The following INPP4B variants were observed in gnomAD, a reference collection of about 807,000 sequenced individuals.
INPP4B encodes inositol polyphosphate-4-phosphatase type II B.
Under a neutral mutation model 122.5 loss-of-function variants are expected in INPP4B, and 55 were observed. That is an observed-to-expected ratio of 0.45 (90% CI 0.36 to 0.56). The LOEUF is 0.56. Among genes scored for constraint, INPP4B ranks in the 20% least tolerant of loss-of-function variants. INPP4B has a pLI of 0.00. For missense variants in INPP4B, 1,000 were observed against 1,097.7 expected (o/e 0.91, Z 1.26); for synonymous variants, 403 against 388.7 (o/e 1.04, Z -0.43).
At chr4:142,722,478 T>C (rs559021877) in intron 2 of INPP4B, among the ~76,000 whole-genome samples, 2 of 152,290 alleles carry the variant, frequency 1.3e-5, no homozygotes, top group African/African-American at 2.4e-5. Flanking sequence ...TGCTGTGGTT[T>C]ATAGTTCTGA....
intron 17 of INPP4B, among the ~76,000 whole-genome samples, chr4:142,158,881 A>G (rs1183564597): frequency 1.3e-5 from 2 of 152,002 alleles, no homozygotes; most frequent in Admixed American, 1.3e-4. Flanking sequence ...ATTTAATATA[A>G]AATGGTAATT....
At chr4:142,561,777 T>C (rs1730529416) in intron 2 of INPP4B, among the ~76,000 whole-genome samples, 1 of 152,226 alleles carries the variant, frequency 6.6e-6, no homozygotes. Flanking sequence ...AATGTCTTTC[T>C]TGCAATGTCA....
intron 25 of INPP4B, among the ~76,000 whole-genome samples, chr4:142,081,377 G>A (rs994835621): frequency 6.6e-6 from 1 of 152,024 alleles, no homozygotes; most frequent in Non-Finnish European, 1.5e-5. Flanking sequence ...TTCCCATTAC[G>A]GCTTACAGTT....
At position 142,781,962 on chromosome 4, in the gene INPP4B, T is replaced by A. The variant is rs142954610; in HGVS notation, c.-253-56061A>T. Among the ~76,000 whole-genome samples the A allele has an allele frequency of 2.9e-3, 442 of 149,966 alleles. 2 individuals carry two copies. Among genetic ancestry groups the A allele is most frequent in the African/African-American group, 0.011 (434 of 40,364 alleles). On this transcript the variant is annotated intron_variant, in intron 1 of 25. Coordinates refer to ENST00000262992, the MANE Select transcript of INPP4B (RefSeq NM_001101669.3). ...TCTAACTTTTGTCTTGCTAACCTTT[T>A]ATTTTTTTTATTTTTTAATTTATTT...
chr4:142,691,418 C>G (rs1046984526), intron 2 of INPP4B, among the ~76,000 whole-genome samples: 20 of 151,886 alleles, frequency 1.3e-4, no homozygotes, highest in African/African-American at 4.6e-4. Context: ...AAAATTTCCC[C>G]TGATGAATAA....
intron 25 of INPP4B, among the ~76,000 whole-genome samples, chr4:142,046,115 G>A (rs75936601): frequency 0.016 from 2,375 of 151,998 alleles, 80 homozygotes; most frequent in African/African-American, 0.055. Context: ...ACTTTGAGAA[G>A]GGCCAAACTA....
At chr4:142,762,590 GT>G (rs1445340226) in intron 1 of INPP4B, among the ~76,000 whole-genome samples, 5 of 152,134 alleles carry the variant, frequency 3.3e-5, no homozygotes, top group Admixed American at 6.5e-5. Context: ...GAATTTCCCT[GT>G]CTTGTTAGTT....
At chr4:142,681,104 T>C (rs958951805) in intron 2 of INPP4B, among the ~76,000 whole-genome samples, 8 of 151,902 alleles carry the variant, frequency 5.3e-5, no homozygotes, top group Non-Finnish European at 1.2e-4. Flanking sequence ...CTATATATAA[T>C]GCATGTAATT....
chr4:142,746,695 C>A (rs946263067), intron 1 of INPP4B, among the ~76,000 whole-genome samples: 1 of 152,044 alleles, frequency 6.6e-6, no homozygotes, highest in East Asian at 1.9e-4. Flanking sequence ...TGGAACAGAA[C>A]AGAGGCCTCA....
intron 2 of INPP4B, among the ~76,000 whole-genome samples, chr4:142,597,348 C>G (rs1289453269): frequency 6.6e-6 from 1 of 152,166 alleles, no homozygotes; most frequent in African/African-American, 2.4e-5. Context: ...AACGGTGACA[C>G]CAGTTACTGG....
Position 142,700,672 on chromosome 4 carries a change from A to AT in INPP4B, c.-191+25166dup, listed in dbSNP as rs555926708. On this transcript the variant is annotated intron_variant, in intron 2 of 25. Coordinates refer to ENST00000262992, the MANE Select transcript of INPP4B (RefSeq NM_001101669.3). The stretch of plus-strand genomic sequence containing the variant: ...TTTTGCCCTGTCTTATTTGCATGAA[A>AT]TTTTTTTTTTATTTTTTGCAGCAGG... Among the ~76,000 whole-genome samples the AT allele has an allele frequency of 2.5e-4, 17 of 68,142 alleles. No individual in the cohort carries two copies. In the East Asian group the frequency reaches 5.8e-3, roughly 23 times the overall value. The allele number at this position is 68,142 out of a possible 152,430, so 44.7% of individuals were successfully genotyped here.
chr4:142,228,090 G>A (rs1437811495), intron 12 of INPP4B, among the ~76,000 whole-genome samples: 1 of 151,828 alleles, frequency 6.6e-6, no homozygotes, highest in East Asian at 1.9e-4. Flanking sequence ...GTTTGTGTAT[G>A]TGATCTAAGA....
rs377226578 is a variant in INPP4B at position 142,425,899 on chromosome 4, C to T, written c.136+3274G>A. Among the ~76,000 whole-genome samples the T allele has an allele frequency of 4.6e-5, 7 of 152,116 alleles. No homozygotes were observed. The South Asian group carries it at 8.3e-4, about 18-fold the overall frequency. On this transcript the variant is annotated intron_variant, in intron 5 of 25. Coordinates refer to ENST00000262992, the MANE Select transcript of INPP4B (RefSeq NM_001101669.3). ...CCCCCATTCGTATCACAATCAACCC[C>T]AAAGCTTGTTGACATGTACAAAATG...
At chr4:142,191,548 A>C (rs989318047) in intron 15 of INPP4B, among the ~76,000 whole-genome samples, 19 of 152,180 alleles carry the variant, frequency 1.2e-4, no homozygotes, top group Non-Finnish European at 2.4e-4. Flanking sequence ...TATGGTTTGA[A>C]TTAACTTCCA....
At chr4:142,130,612 G>A (rs536746061) in intron 18 of INPP4B, among the ~76,000 whole-genome samples, 2 of 152,330 alleles carry the variant, frequency 1.3e-5, no homozygotes, top group East Asian at 1.9e-4. Context: ...AAGGTAGCAT[G>A]TGAATGTACT....
At chr4:142,725,744 T>C (rs1765267529) in intron 2 of INPP4B, 95 bp downstream of exon 2, 6 of 393,982 alleles carry the variant, frequency 1.5e-5, no homozygotes, top group Non-Finnish European at 2.7e-5. Flanking sequence ...TTTTGATGGG[T>C]AATTCAATAT....
At chr4:142,121,273 C>G (rs1219543470) in intron 21 of INPP4B, among the ~76,000 whole-genome samples, 2 of 151,964 alleles carry the variant, frequency 1.3e-5, no homozygotes, top group Non-Finnish European at 2.9e-5. Context: ...CTATGTGGTT[C>G]TGGGTATCCT....
intron 3 of INPP4B, among the ~76,000 whole-genome samples, chr4:142,443,541 A>G (rs972223508): frequency 3.9e-5 from 6 of 152,118 alleles, no homozygotes; most frequent in African/African-American, 1.4e-4. Context: ...TCACTGAGAA[A>G]GTCCCACCCC....
intron 6 of INPP4B, among the ~76,000 whole-genome samples, chr4:142,403,432 C>G (rs1380685714): frequency 6.6e-6 from 1 of 152,116 alleles, no homozygotes; most frequent in Non-Finnish European, 1.5e-5. Context: ...CTATTTTCTC[C>G]GAAAGAACCA....
Sources: gnomAD v4.1 joint callset for allele counts (sites outside exome capture counted in the v4.1 genomes callset) on GRCh38, gnomAD v4.1.1 for gene constraint, MANE v1.5 for transcripts, NCBI Gene and HGNC (gene_info 2026-07-23, HGNC 2026-07-21) for gene names.